Variants in RASGEF1B observed in about 807,000 individuals in gnomAD.
RASGEF1B encodes the protein ras-GEF domain-containing family member 1B.
Under a neutral mutation model 65.7 loss-of-function variants are expected in RASGEF1B, and 30 were observed. That is an observed-to-expected ratio of 0.46 (90% CI 0.34 to 0.62). RASGEF1B has a LOEUF of 0.62. Ranked by LOEUF, RASGEF1B falls within the 20% of genes least tolerant of loss-of-function variation. The pLI is 0.01. For synonymous variants in RASGEF1B, 175 were observed against 194.8 expected, an observed-to-expected ratio of 0.90 and a Z score of 0.85; for missense variants, 495 against 580.1, an observed-to-expected ratio of 0.85 and a Z score of 1.51.
chr4:81,427,600 A>C lies in RASGEF1B; in HGVS notation c.*168T>G, dbSNP rs1721270782. 3 of 568,006 alleles carry C rather than the reference A, an allele frequency of 5.3e-6. No homozygotes were observed. 35.2% of individuals were successfully genotyped at this position (568,006 alleles called of 1,614,324 possible). On this transcript the variant is annotated 3_prime_UTR_variant, in exon 14 of 14. Coordinates refer to ENST00000264400, the MANE Select transcript of RASGEF1B (RefSeq NM_152545.3). ...GTCTATCTGTCAGCTGCAGGAAATA[A>C]GTTCTCCATCTGGTCTTGAGTGAGC...
Position 81,445,535 on chromosome 4 carries a change from C to A in RASGEF1B, c.919G>T (p.Ala307Ser), listed in dbSNP as rs1308142053. The change falls in exon 8 of 14, where the codon GCG (alanine) becomes TCG (serine). Residue 307 changes from alanine to serine, a missense_variant. Physicochemically the swap from Ala to Ser is moderately conservative, Grantham distance 99. Coordinates refer to ENST00000264400, the MANE Select transcript of RASGEF1B (RefSeq NM_152545.3). ...FNIGNFNSLMAIISGMNMSPV... is the reference protein window; with the variant it reads ...FNIGNFNSLMSIISGMNMSPV... ...TCCACAAAATACTCACAGATTATCG[C>A]CATCAAGGAGTTGAAGTTGCCAATG... is the stretch of plus-strand genomic sequence containing the variant. 1 of 1,602,692 alleles carries A rather than the reference C, an allele frequency of 6.2e-7. No individual in the cohort carries two copies. Among genetic ancestry groups the A allele is most frequent in the Admixed American group, 1.7e-5 (1 of 59,944 alleles).
intron 6 of RASGEF1B, 149 bp downstream of exon 6, chr4:81,447,355 T>A (rs911258934): frequency 5.1e-6 from 3 of 587,848 alleles, no homozygotes; most frequent in Non-Finnish European, 8.9e-6. Context: ...AAAACTGCCA[T>A]GAATCAGACG....
At chr4:81,467,661 A>G (rs754487262) in intron 1 of RASGEF1B, among the ~76,000 whole-genome samples, 11 of 152,194 alleles carry the variant, frequency 7.2e-5, no homozygotes, top group Non-Finnish European at 1.5e-4. Context: ...AAGGATAACT[A>G]GAGTTATGGG....
chr4:81,429,994 C>T (rs1424383341), intron 13 of RASGEF1B, among the ~76,000 whole-genome samples: 5 of 152,212 alleles, frequency 3.3e-5, no homozygotes, highest in African/African-American at 7.2e-5. Context: ...TGGGCTCCCC[C>T]ATAGGCGGAG....
intron 1 of RASGEF1B, among the ~76,000 whole-genome samples, chr4:81,468,522 T>C (rs934216860): frequency 4.6e-5 from 7 of 152,182 alleles, no homozygotes; most frequent in Non-Finnish European, 8.8e-5. Context: ...AAAAAATGAT[T>C]GTTGAAGACA....
chr4:81,456,512 C>A lies in RASGEF1B; in HGVS notation c.438+139G>T, dbSNP rs529299411. On this transcript the variant is annotated intron_variant, in intron 4 of 13. Transcript: ENST00000264400. ...ATTCTCACTTGACATACTAAATAGA[C>A]CAATATGTGATGTGGAGGGCTTGCC... 5.7e-5 allele frequency: 48 copies of A among 836,946 alleles called. No homozygotes were observed. In the African/African-American group the frequency reaches 6.3e-4, roughly 11 times the overall value. 51.8% of individuals were successfully genotyped at this position (836,946 alleles called of 1,614,324 possible). A position where few individuals can be genotyped will look rare whatever the true frequency, so the allele number is the denominator to read the frequency against.
chr4:81,454,321 A>G (rs1416680474), intron 4 of RASGEF1B: 2 of 152,238 alleles, frequency 1.3e-5, no homozygotes, highest in African/African-American at 4.8e-5. Flanking sequence ...ATCTTAAAAG[A>G]AAAAGATTTT....
At chr4:81,435,658 G>C (rs1426490397) in intron 10 of RASGEF1B, among the ~76,000 whole-genome samples, 1 of 147,836 alleles carries the variant, frequency 6.8e-6, no homozygotes, top group Non-Finnish European at 1.5e-5. Context: ...GTATTTTTTA[G>C]TAGAGACAGG....
chr4:81,461,041 G>T (rs1489682513), intron 1 of RASGEF1B, among the ~76,000 whole-genome samples: 1 of 152,182 alleles, frequency 6.6e-6, no homozygotes, highest in Non-Finnish European at 1.5e-5. Context: ...CACACCCTTA[G>T]TTGGCAAGAC....
At chr4:81,447,957 A>G in intron 5 of RASGEF1B, 112 bp downstream of exon 5, 1 of 837,116 alleles carries the variant, frequency 1.2e-6, no homozygotes, top group Non-Finnish European at 2.0e-6. Context: ...ATGATTTCCC[A>G]CTTGGATTAT....
rs902749738 is a variant in RASGEF1B, at chr4:81,426,540, A to T, written c.*1228T>A. 1.3e-5 allele frequency: 2 copies of T among 152,224 alleles called. No individual in the cohort carries two copies. Among genetic ancestry groups the T allele is most frequent in the Non-Finnish European group, 2.9e-5 (2 of 68,046 alleles). The allele number at this position is 152,224 out of a possible 1,614,324, so 9.4% of individuals were successfully genotyped here. On this transcript the variant is annotated 3_prime_UTR_variant, in exon 14 of 14. Coordinates refer to ENST00000264400, the MANE Select transcript of RASGEF1B (RefSeq NM_152545.3). ...GTTTTCAAATACATCTGTTTTGAAC[A>T]TGGTATTTTGTTTTTCTCATTAGCA... is the stretch of plus-strand genomic sequence containing the variant.
intron 10 of RASGEF1B, among the ~76,000 whole-genome samples, chr4:81,435,770 T>A (rs539445768): frequency 7.9e-6 from 1 of 127,154 alleles, no homozygotes; most frequent in African/African-American, 3.3e-5. Flanking sequence ...CCAACGCGCC[T>A]GGCCTTTTTT....
chr4:81,428,979 G>A (rs761258923), intron 13 of RASGEF1B, among the ~76,000 whole-genome samples: 6 of 152,204 alleles, frequency 3.9e-5, no homozygotes, highest in Admixed American at 6.5e-5. Context: ...CAACACCTGC[G>A]ATAACCCAGT....
chr4:81,446,971 T>C (rs912077439), intron 6 of RASGEF1B, among the ~76,000 whole-genome samples: 1 of 152,230 alleles, frequency 6.6e-6, no homozygotes, highest in Non-Finnish European at 1.5e-5. Context: ...AATTTTCTTA[T>C]ATGTGTACAC....
At chr4:81,441,739 C>T (rs1470312824) in intron 9 of RASGEF1B, among the ~76,000 whole-genome samples, 4 of 151,972 alleles carry the variant, frequency 2.6e-5, no homozygotes, top group Middle Eastern at 3.4e-3. Flanking sequence ...GGTGGGGTTT[C>T]GCCATGTTGC....
intron 10 of RASGEF1B, among the ~76,000 whole-genome samples, chr4:81,438,636 G>GTAT (rs1721727787): frequency 2.6e-5 from 4 of 152,210 alleles, no homozygotes; most frequent in Admixed American, 6.5e-5. Context: ...CATGTGTCAT[G>GTAT]GTGGTTTGCT....
chr4:81,453,414 C>T (rs1430030333), intron 4 of RASGEF1B: 2 of 152,124 alleles, frequency 1.3e-5, no homozygotes, highest in African/African-American at 4.8e-5. Context: ...CTCTACATTA[C>T]TTATAATAGC....
chr4:81,434,446 A>G (rs1215064194), intron 11 of RASGEF1B, among the ~76,000 whole-genome samples, 193 bp downstream of exon 11: 1 of 152,206 alleles, frequency 6.6e-6, no homozygotes, highest in Non-Finnish European at 1.5e-5. Flanking sequence ...TCAGATAGTA[A>G]TAATCATCAT....
intron 8 of RASGEF1B, among the ~76,000 whole-genome samples, chr4:81,444,691 C>G (rs929813297): frequency 6.6e-6 from 1 of 152,160 alleles, no homozygotes; most frequent in African/African-American, 2.4e-5. Flanking sequence ...CATGTGCCAC[C>G]ATGCCCAGCT....
Sources: allele counts gnomAD v4.1 joint callset (sites outside exome capture counted in the v4.1 genomes callset), GRCh38; gene constraint gnomAD v4.1.1; transcripts MANE v1.5; gene names NCBI Gene and HGNC (gene_info 2026-07-23, HGNC 2026-07-21).